Variants in TMPRSS7 observed in about 807,000 individuals in gnomAD.
TMPRSS7 encodes transmembrane protease serine 7.
TMPRSS7 carries 81 observed loss-of-function variants against 95.6 expected under a neutral mutation model. That is an observed-to-expected ratio of 0.85 (90% CI 0.71 to 1.02). TMPRSS7 has a LOEUF of 1.02. TMPRSS7 is among the 50% of genes least tolerant of loss of function. The pLI, the probability that TMPRSS7 is intolerant of heterozygous loss-of-function variation, is 0.00. For synonymous variants in TMPRSS7, 364 were observed against 337.8 expected, an observed-to-expected ratio of 1.08 and a Z score of -0.85; for missense variants, 945 against 955.2, an observed-to-expected ratio of 0.99 and a Z score of 0.14.
intron 12 of TMPRSS7, among the ~76,000 whole-genome samples, chr3:112,064,054 T>C (rs972284641): frequency 6.6e-6 from 1 of 152,234 alleles, no homozygotes; most frequent in East Asian, 1.9e-4. Flanking sequence ...ATTCTATTGT[T>C]CAAATCAAGT....
intron 12 of TMPRSS7, among the ~76,000 whole-genome samples, chr3:112,064,210 C>G (rs565428879): frequency 6.6e-6 from 1 of 152,274 alleles, no homozygotes; most frequent in East Asian, 1.9e-4. Flanking sequence ...ACACCGAAAT[C>G]CTGTTTGAAG....
At chr3:112,058,864 C>G (rs2073466115) in intron 10 of TMPRSS7, among the ~76,000 whole-genome samples, 1 of 152,218 alleles carries the variant, frequency 6.6e-6, no homozygotes. Flanking sequence ...CAGTTCTTCA[C>G]TAGGCTTGTG....
chr3:112,066,178 A>G (rs1285551417), intron 12 of TMPRSS7, among the ~76,000 whole-genome samples: 1 of 152,234 alleles, frequency 6.6e-6, no homozygotes, highest in Non-Finnish European at 1.5e-5. Context: ...ATTTATACAA[A>G]AGCAAAAATC....
intron 10 of TMPRSS7, among the ~76,000 whole-genome samples, chr3:112,058,504 A>G (rs2073460163): frequency 6.6e-6 from 1 of 152,226 alleles, no homozygotes; most frequent in South Asian, 2.1e-4. Context: ...CATTTACGAA[A>G]TCATGTATAC....
chr3:112,064,344 G>T (rs1210264429), intron 12 of TMPRSS7, among the ~76,000 whole-genome samples: 1 of 24,250 alleles, frequency 4.1e-5, no homozygotes. Flanking sequence ...TTTTGTGTGT[G>T]TGTTTTCTTT....
intron 3 of TMPRSS7, chr3:112,043,017 A>G (rs1395540239): frequency 1.5e-5 from 7 of 455,938 alleles, no homozygotes; most frequent in Non-Finnish European, 3.1e-5. Flanking sequence ...ATCAAAGACA[A>G]TAGTGCTCAG....
chr3:112,042,125 C>T (rs139192966), intron 3 of TMPRSS7, 75 bp downstream of exon 3: 2 of 1,224,552 alleles, frequency 1.6e-6, no homozygotes, highest in Non-Finnish European at 2.3e-6. Flanking sequence ...TGGAGGGGAA[C>T]ACAAGTGTCA....
At chr3:112,046,279 T>C (rs116194965) in intron 5 of TMPRSS7, among the ~76,000 whole-genome samples, 220 of 152,334 alleles carry the variant, frequency 1.4e-3, no homozygotes, top group Non-Finnish European at 2.6e-3. Context: ...AGGTTTATCT[T>C]GTTACTTTAC....
At chr3:112,034,750 C>T (rs922376695), upstream of TMPRSS7, 1 of 674,346 alleles carries the variant, frequency 1.5e-6, no homozygotes, top group Non-Finnish European at 2.7e-6. Flanking sequence ...AGCTTGAATG[C>T]GGTGACGGTT....
In TMPRSS7 at chr3:112,075,389, C is replaced by T. The variant is rs2073699490; in HGVS notation, c.1852C>T (p.Pro618Ser). 7 of 1,527,390 alleles carry T rather than the reference C, an allele frequency of 4.6e-6. No individual in the cohort carries two copies. The South Asian group carries it at 8.9e-5, about 19-fold the overall frequency. The allele number at this position is 1,527,390 out of a possible 1,614,324, so 94.6% of individuals were successfully genotyped here. The change falls in exon 15 of 18, where the codon CCG (proline) becomes TCG (serine). Residue 618 changes from proline (P) to serine (S), a missense_variant. By Grantham distance (74) the Pro-to-Ser change is moderately conservative. Transcript: ENST00000452346. ...CACAGACACCCTGGAGGGGGGTTGG[C>T]CGTGGCAGGTCAGCCTCCACTTTGT... is the stretch of plus-strand genomic sequence containing the variant.
intron 17 of TMPRSS7, among the ~76,000 whole-genome samples, chr3:112,079,170 C>T (rs1237022960): frequency 6.6e-6 from 1 of 152,158 alleles, no homozygotes; most frequent in East Asian, 1.9e-4. Flanking sequence ...CAATTTATTT[C>T]CTATTTCCTT....
intron 9 of TMPRSS7, among the ~76,000 whole-genome samples, chr3:112,051,895 A>C (rs1286592200): frequency 1.3e-5 from 2 of 152,132 alleles, no homozygotes; most frequent in Non-Finnish European, 2.9e-5. Context: ...AATTAGATGT[A>C]AGTGGCAAGC....
At chr3:112,052,174 G>A (rs1383269858) in intron 9 of TMPRSS7, among the ~76,000 whole-genome samples, 1 of 152,132 alleles carries the variant, frequency 6.6e-6, no homozygotes, top group South Asian at 2.1e-4. Context: ...GGTGGGAGGT[G>A]TGAAGCATAA....
At chr3:112,036,044 C>G (rs548400585) in intron 1 of TMPRSS7, among the ~76,000 whole-genome samples, 1 of 152,132 alleles carries the variant, frequency 6.6e-6, no homozygotes, top group Non-Finnish European at 1.5e-5. Flanking sequence ...ACATGCTTTA[C>G]GAACAATTTG....
In TMPRSS7 at chr3:112,059,205, T is replaced by G. The variant is rs2073471206; in HGVS notation, c.1310+2074T>G. Among the ~76,000 whole-genome samples, 10 of 152,324 alleles carry G rather than the reference T, an allele frequency of 6.6e-5. No individual in the cohort carries two copies. The South Asian group carries it at 2.1e-3, about 32-fold the overall frequency. ...ATTTAGCAGGACAGAACTGCTTTGG[T>G]GTGCTAGAGTTTAGCATCAGGCCAG... On this transcript the variant is annotated intron_variant, in intron 10 of 17. Coordinates refer to ENST00000452346, the Ensembl canonical transcript of TMPRSS7.
intron 13 of TMPRSS7, among the ~76,000 whole-genome samples, chr3:112,073,393 G>A (rs76689924): frequency 0.03 from 4,581 of 152,024 alleles, 191 homozygotes; most frequent in African/African-American, 0.088. Context: ...CTGTAATTAC[G>A]CGCCTGGCCT....
chr3:112,076,789 C>A, intron 15 of TMPRSS7, 87 bp from the exon 16 acceptor site: 2 of 1,475,236 alleles, frequency 1.4e-6, no homozygotes, highest in Non-Finnish European at 1.8e-6. Context: ...CCTTCTTTTT[C>A]AGCCCTCAAC....
intron 1 of TMPRSS7, among the ~76,000 whole-genome samples, chr3:112,035,488 G>T (rs73216058): frequency 1.3e-5 from 2 of 151,206 alleles, no homozygotes; most frequent in Admixed American, 6.6e-5. Context: ...ACGTGGCCAC[G>T]TATTATCCCA....
intron 13 of TMPRSS7, among the ~76,000 whole-genome samples, chr3:112,068,225 T>C (rs1181573026): frequency 3.3e-5 from 5 of 152,362 alleles, no homozygotes; most frequent in South Asian, 4.1e-4. Flanking sequence ...TTGGTTACTG[T>C]AGCCTTGTAG....
Sources: allele counts gnomAD v4.1 joint callset (sites outside exome capture counted in the v4.1 genomes callset), GRCh38; gene constraint gnomAD v4.1.1; transcripts MANE v1.5; gene names NCBI Gene and HGNC (gene_info 2026-07-23, HGNC 2026-07-21).